Variants in KIDINS220 observed in about 807,000 individuals in gnomAD.
KIDINS220 encodes the protein kinase D interacting substrate 220.
In KIDINS220, 63 loss-of-function variants were observed where a neutral mutation model predicts 157.6. The observed-to-expected ratio is 0.40, with a 90% CI of 0.33 to 0.49. The LOEUF is 0.49. KIDINS220 is among the 20% of genes least tolerant of loss of function. KIDINS220 has a pLI of 0.66. For synonymous variants in KIDINS220, 732 were observed against 783.6 expected, an observed-to-expected ratio of 0.93 and a Z score of 1.10; for missense variants, 1,772 against 2,171.2, an observed-to-expected ratio of 0.82 and a Z score of 3.65.
At chr2:8,796,105 C>G (rs985076577) in intron 11 of KIDINS220, among the ~76,000 whole-genome samples, 1 of 152,030 alleles carries the variant, frequency 6.6e-6, no homozygotes. Flanking sequence ...AATAGAAAAA[C>G]AAACTTCAAT....
chr2:8,777,212 T>G (rs1325195376), intron 20 of KIDINS220, among the ~76,000 whole-genome samples: 1 of 152,206 alleles, frequency 6.6e-6, no homozygotes, highest in African/African-American at 2.4e-5. Context: ...ATATTCAAAC[T>G]CCATGGGGTC....
At chr2:8,741,548 C>G (rs1385037663) in intron 26 of KIDINS220, among the ~76,000 whole-genome samples, 1 of 152,104 alleles carries the variant, frequency 6.6e-6, no homozygotes, top group Non-Finnish European at 1.5e-5. Flanking sequence ...CCATTGTACT[C>G]CAGCCTGGGT....
At chr2:8,752,696 T>C (rs1280304181) in intron 22 of KIDINS220, among the ~76,000 whole-genome samples, 1 of 152,028 alleles carries the variant, frequency 6.6e-6, no homozygotes, top group Non-Finnish European at 1.5e-5. Context: ...AACTTATAAA[T>C]AAATTACACA....
At chr2:8,788,575 A>T in intron 15 of KIDINS220, 72 bp downstream of exon 15, 1 of 1,489,108 alleles carries the variant, frequency 6.7e-7, no homozygotes. Flanking sequence ...GGCTCCTATA[A>T]ACTTTCCGAA....
chr2:8,790,554 A>G (rs1673045701), intron 13 of KIDINS220, among the ~76,000 whole-genome samples: 1 of 152,148 alleles, frequency 6.6e-6, no homozygotes, highest in African/African-American at 2.4e-5. Flanking sequence ...GGAGTCCCAC[A>G]CAAGTAATTC....
Position 8,745,298 on chromosome 2 carries a change from C to T in KIDINS220, c.3585+1847G>A, listed in dbSNP as rs1572468503. Reference sequence around the variant, plus strand: ...CTGACTAAACTAAAGGTCATTCTTGCATATAGTGATGATGACCCATGGATT... The same window carrying T: ...CTGACTAAACTAAAGGTCATTCTTGTATATAGTGATGATGACCCATGGATT... On this transcript the variant is annotated intron_variant, in intron 26 of 29. Transcript: ENST00000256707. Among the ~76,000 whole-genome samples, 8 of 152,250 alleles carry T rather than the reference C, an allele frequency of 5.3e-5. No individual in the cohort carries two copies. In the South Asian group the frequency reaches 1.7e-3, roughly 32 times the overall value.
At chr2:8,772,997 T>C (rs575163154) in intron 21 of KIDINS220, among the ~76,000 whole-genome samples, 1 of 152,310 alleles carries the variant, frequency 6.6e-6, no homozygotes, top group Admixed American at 6.5e-5. Context: ...TTCCAACTAA[T>C]GTTACTCAAT....
intron 29 of KIDINS220, among the ~76,000 whole-genome samples, chr2:8,733,225 T>C (rs1472067867): frequency 1.3e-5 from 2 of 152,188 alleles, no homozygotes; most frequent in Admixed American, 6.5e-5. Flanking sequence ...TCAGCTCTCA[T>C]CAATGTCTAC....
At chr2:8,766,191 C>T (rs1669462890) in intron 22 of KIDINS220, among the ~76,000 whole-genome samples, 1 of 115,504 alleles carries the variant, frequency 8.7e-6, no homozygotes, top group Admixed American at 9.3e-5. Flanking sequence ...ACCTGACCTC[C>T]TACTCACTTG....
At chr2:8,818,553 TA>T in intron 3 of KIDINS220, 141 bp downstream of exon 3, 3 of 549,964 alleles carry the variant, frequency 5.5e-6, no homozygotes, top group South Asian at 2.5e-5. Flanking sequence ...TTACTCCTTT[TA>T]AAAAAAACTG....
At chr2:8,836,495 C>T (rs753604048) in intron 1 of KIDINS220, among the ~76,000 whole-genome samples, 4 of 152,240 alleles carry the variant, frequency 2.6e-5, no homozygotes, top group Non-Finnish European at 4.4e-5. Context: ...TTGAGCTCCT[C>T]CCCGGGAGAA....
intron 23 of KIDINS220, 140 bp from the exon 24 acceptor site, chr2:8,750,475 G>A: frequency 1.8e-6 from 1 of 566,296 alleles, no homozygotes; most frequent in Non-Finnish European, 2.7e-6. Context: ...GATTAAAAAA[G>A]AAGACAGAAA....
Position 8,730,680 on chromosome 2 carries a change from A to G in KIDINS220, c.*40T>C, listed in dbSNP as rs767310510. On this transcript the variant is annotated 3_prime_UTR_variant, in exon 30 of 30. Coordinates refer to ENST00000256707, the MANE Select transcript of KIDINS220 (RefSeq NM_020738.4). The stretch of plus-strand genomic sequence containing the variant: ...AGTCAAAATCCAGGACAATTCTGTC[A>G]TAAAGGTACAGTAACACTCTTCTCC... 2.5e-6 allele frequency: 4 copies of G among 1,577,568 alleles called. No individual in the cohort carries two copies. Among genetic ancestry groups the G allele is most frequent in the Non-Finnish European group, 3.4e-6 (4 of 1,165,706 alleles).
At chr2:8,794,507 A>T (rs1015515664) in intron 11 of KIDINS220, among the ~76,000 whole-genome samples, 1 of 152,130 alleles carries the variant, frequency 6.6e-6, no homozygotes, top group African/African-American at 2.4e-5. Context: ...CTTAAATCTC[A>T]TCACTCTACA....
intron 22 of KIDINS220, among the ~76,000 whole-genome samples, chr2:8,756,105 A>G (rs1022311092): frequency 4.6e-5 from 7 of 152,230 alleles, no homozygotes; most frequent in African/African-American, 1.7e-4. Flanking sequence ...CCTACCCATG[A>G]GCACAGGATG....
intron 24 of KIDINS220, 52 bp from the exon 25 acceptor site, chr2:8,748,052 T>C: frequency 1.9e-6 from 2 of 1,049,792 alleles, no homozygotes; most frequent in Non-Finnish European, 2.7e-6. Context: ...GAAATGAAAG[T>C]GTAATGAGAT....
intron 1 of KIDINS220, among the ~76,000 whole-genome samples, chr2:8,828,336 C>T (rs1384144547): frequency 1.3e-5 from 2 of 152,210 alleles, no homozygotes; most frequent in African/African-American, 4.8e-5. Context: ...TGTCAGGGTA[C>T]CGACCCCACA....
chr2:8,747,449 T>G, intron 25 of KIDINS220: 1 of 532,410 alleles, frequency 1.9e-6, no homozygotes. Flanking sequence ...TTGGAAGAAT[T>G]TCCCTTATCT....
chr2:8,814,997 T>G (rs1365591596), intron 4 of KIDINS220, among the ~76,000 whole-genome samples: 1 of 152,200 alleles, frequency 6.6e-6, no homozygotes. Flanking sequence ...AGACACAATT[T>G]AGGTGAAATT....
Sources: allele counts gnomAD v4.1 joint callset (sites outside exome capture counted in the v4.1 genomes callset), GRCh38; gene constraint gnomAD v4.1.1; transcripts MANE v1.5; gene names NCBI Gene and HGNC (gene_info 2026-07-23, HGNC 2026-07-21).